Variants in ELAPOR2 observed in about 807,000 individuals in gnomAD.
ELAPOR2 encodes the protein endosome-lysosome associated apoptosis and autophagy regulator family member 2.
A neutral mutation model predicts 120.7 loss-of-function variants in ELAPOR2; 89 were observed. The ratio of observed to expected loss-of-function variants is 0.74; its 90% CI spans 0.62 to 0.88. The LOEUF (loss-of-function observed/expected upper bound fraction) is 0.88. Among genes scored for constraint, ELAPOR2 ranks in the 40% least tolerant of loss-of-function variants. The probability of loss-of-function intolerance (pLI) is 0.00; values close to 1 mark genes in which losing one functional copy is unlikely to be tolerated. For missense variants in ELAPOR2, 1,134 were observed against 1,251.6 expected, an observed-to-expected ratio of 0.91 and a Z score of 1.42; for synonymous variants, 444 against 444.9, an observed-to-expected ratio of 1.00 and a Z score of 0.03.
At chr7:86,945,741 T>C (rs886545753) in intron 3 of ELAPOR2, among the ~76,000 whole-genome samples, 66 of 152,312 alleles carry the variant, frequency 4.3e-4, no homozygotes, top group African/African-American at 1.4e-3. Flanking sequence ...CAGTAATTTC[T>C]AGCCTTTGCA....
At chr7:87,047,175 C>A (rs1321507228) in intron 1 of ELAPOR2, among the ~76,000 whole-genome samples, 2 of 152,254 alleles carry the variant, frequency 1.3e-5, no homozygotes, top group South Asian at 4.1e-4. Context: ...CCACTGTATA[C>A]AAAAATCAAA....
chr7:86,940,301 G>T (rs1790750150), intron 5 of ELAPOR2, among the ~76,000 whole-genome samples, 186 bp from the exon 6 acceptor site: 1 of 151,972 alleles, frequency 6.6e-6, no homozygotes, highest in Admixed American at 6.6e-5. Context: ...GAAAAAAAAT[G>T]GAGTTTGCTA....
chr7:86,884,610 C>T (rs1045156091), intron 21 of ELAPOR2, among the ~76,000 whole-genome samples: 105 of 152,160 alleles, frequency 6.9e-4, no homozygotes, highest in Admixed American at 3.1e-3. Flanking sequence ...CCTGTATGAC[C>T]GTACAGCTAA....
chr7:86,885,758 G>A (rs1799658684), intron 21 of ELAPOR2, among the ~76,000 whole-genome samples: 2 of 152,140 alleles, frequency 1.3e-5, no homozygotes, highest in South Asian at 4.1e-4. Flanking sequence ...GTAGAAAAGG[G>A]AAAATAATGT....
At chr7:86,916,596 A>G (rs1294019791) in intron 12 of ELAPOR2, among the ~76,000 whole-genome samples, 1 of 152,198 alleles carries the variant, frequency 6.6e-6, no homozygotes, top group Non-Finnish European at 1.5e-5. Flanking sequence ...TTTCAGAACC[A>G]CCCACAATGC....
At chr7:86,930,400 T>C (rs1311547699) in intron 8 of ELAPOR2, among the ~76,000 whole-genome samples, 1 of 151,972 alleles carries the variant, frequency 6.6e-6, no homozygotes, top group Admixed American at 6.6e-5. Flanking sequence ...CTAAGTACAT[T>C]TGACTTGCTT....
intron 1 of ELAPOR2, among the ~76,000 whole-genome samples, chr7:86,993,234 C>CAAAAAAA (rs1159917841): frequency 0.01 from 597 of 56,972 alleles, 23 homozygotes; most frequent in African/African-American, 0.031. Context: ...GACTCCATCT[C>CAAAAAAA]AAAAAAAAAA....
intron 1 of ELAPOR2, among the ~76,000 whole-genome samples, chr7:86,995,849 A>G (rs990782699): frequency 1.3e-5 from 2 of 152,244 alleles, no homozygotes; most frequent in South Asian, 4.1e-4. Context: ...GTTAAAATTC[A>G]CTGAGTACTT....
intron 1 of ELAPOR2, among the ~76,000 whole-genome samples, chr7:86,979,918 T>C (rs1379066659): frequency 1.3e-5 from 2 of 152,170 alleles, no homozygotes; most frequent in Non-Finnish European, 2.9e-5. Flanking sequence ...TTTTTTCCAC[T>C]TATCACTAGA....
chr7:86,908,455 G>T lies in ELAPOR2; in HGVS notation c.2448C>A (p.Phe816Leu). 1 of 1,550,552 alleles carries T rather than the reference G, an allele frequency of 6.4e-7. No individual in the cohort carries two copies. The highest frequency in any genetic ancestry group is 8.8e-7 in the Non-Finnish European group (1 of 1,137,246). Residue 816 changes from phenylalanine (F) to leucine (L), a missense_variant, in exon 17 of 22, where the codon TTC (phenylalanine) becomes TTA (leucine). Phe to Leu is a conservative substitution (Grantham distance 22). This residue lies in a region of ELAPOR2 where 831 missense variants were observed against 867.6 expected (regional missense o/e 0.96). Coordinates refer to ENST00000450689, the MANE Select transcript of ELAPOR2 (RefSeq NM_001142749.3). ...VPTSQIPDVH[F>L]FYKSSTATTS... ...ACAGCATCTTCACTTACTTATAAAA[G>T]AAATGCACATCTGGTATTTGGCTTG...
chr7:87,014,027 C>CTTTTTTTTTTTT (rs35583728), intron 1 of ELAPOR2, among the ~76,000 whole-genome samples: 10 of 122,426 alleles, frequency 8.2e-5, no homozygotes, highest in South Asian at 2.8e-4. Flanking sequence ...ATGTTTTTCA[C>CTTTTTTTTTTTT]TTTTTTTTTT....
At chr7:86,891,971 C>T (rs1788184799) in intron 20 of ELAPOR2, 82 bp from the exon 21 acceptor site, 1 of 897,478 alleles carries the variant, frequency 1.1e-6, no homozygotes, top group Non-Finnish European at 1.6e-6. Flanking sequence ...TGGTAATATA[C>T]CAGCTCATTA....
intron 10 of ELAPOR2, among the ~76,000 whole-genome samples, 200 bp from the exon 11 acceptor site, chr7:86,919,510 T>C (rs1789725955): frequency 6.6e-6 from 1 of 152,154 alleles, no homozygotes; most frequent in Non-Finnish European, 1.5e-5. Flanking sequence ...AAGCAATGCA[T>C]TATTTTGAAT....
chr7:86,905,579 T>C (rs1032830779), intron 18 of ELAPOR2, among the ~76,000 whole-genome samples: 18 of 152,086 alleles, frequency 1.2e-4, no homozygotes, highest in African/African-American at 4.1e-4. Flanking sequence ...GACTGTCACA[T>C]TTTAAATTAG....
chr7:87,012,437 A>G (rs1024862661), intron 1 of ELAPOR2, among the ~76,000 whole-genome samples: 8 of 152,038 alleles, frequency 5.3e-5, no homozygotes, highest in African/African-American at 1.7e-4. Flanking sequence ...AGTAGTCAAT[A>G]TCCACAAATG....
At chr7:87,005,388 G>T (rs1324864393) in intron 1 of ELAPOR2, among the ~76,000 whole-genome samples, 1 of 151,814 alleles carries the variant, frequency 6.6e-6, no homozygotes, top group Admixed American at 6.6e-5. Context: ...GGACAATGTT[G>T]AGAGAAGAAA....
intron 1 of ELAPOR2, among the ~76,000 whole-genome samples, chr7:86,995,697 A>C (rs1421822012): frequency 1.3e-5 from 2 of 152,216 alleles, no homozygotes; most frequent in African/African-American, 4.8e-5. Context: ...GTGGAAGGTA[A>C]GGTTAGATTC....
chr7:87,000,653 G>A (rs1317744297), intron 1 of ELAPOR2, among the ~76,000 whole-genome samples: 1 of 152,148 alleles, frequency 6.6e-6, no homozygotes, highest in African/African-American at 2.4e-5. Context: ...CCCACATGCT[G>A]GCTTCACATC....
chr7:86,983,645 T>C (rs1488786573), intron 1 of ELAPOR2, among the ~76,000 whole-genome samples: 3 of 152,180 alleles, frequency 2.0e-5, no homozygotes, highest in Non-Finnish European at 4.4e-5. Flanking sequence ...CTGAGAGATT[T>C]TGTCACTACC....
Sources: allele counts gnomAD v4.1 joint callset (sites outside exome capture counted in the v4.1 genomes callset), GRCh38; gene constraint gnomAD v4.1.1; regional missense constraint gnomAD v4.1.1; transcripts MANE v1.5; gene names NCBI Gene and HGNC (gene_info 2026-07-23, HGNC 2026-07-21).